Variants in SNAPC3 observed in about 807,000 individuals in gnomAD.
SNAPC3 encodes the protein small nuclear RNA activating complex polypeptide 3, also known as snRNA-activating protein complex subunit 3.
Under a neutral mutation model 47.7 loss-of-function variants are expected in SNAPC3, and 56 were observed. That is an observed-to-expected ratio of 1.18 (90% confidence interval 0.95 to 1.47). The LOEUF (loss-of-function observed/expected upper bound fraction) is 1.47. SNAPC3 is among the 40% of genes most tolerant of loss of function. The pLI is 0.00. For missense variants in SNAPC3, 665 were observed against 511.3 expected (o/e 1.30, Z -2.90); for synonymous variants, 235 against 189.9 (o/e 1.24, Z -1.95).
At chr9:15,451,662 C>G (rs1270844863) in intron 6 of SNAPC3, among the ~76,000 whole-genome samples, 1 of 151,980 alleles carries the variant, frequency 6.6e-6, no homozygotes, top group African/African-American at 2.4e-5. Flanking sequence ...CTGTGAATAC[C>G]CACTGCTTTC....
chr9:15,447,610 C>G (rs995936884), intron 5 of SNAPC3, among the ~76,000 whole-genome samples: 1 of 152,076 alleles, frequency 6.6e-6, no homozygotes, highest in East Asian at 1.9e-4. Context: ...TAGTGACCAC[C>G]TAATTTTCTA....
downstream of SNAPC3, chr9:15,465,776 A>G (rs983081000): frequency 3.1e-5 from 16 of 513,228 alleles, no homozygotes; most frequent in Non-Finnish European, 5.4e-5. Context: ...ACCATGTTGT[A>G]TCTTCTTCCC....
chr9:15,455,560 G>GT (rs1224801837), intron 7 of SNAPC3, among the ~76,000 whole-genome samples: 9 of 151,730 alleles, frequency 5.9e-5, no homozygotes, highest in Non-Finnish European at 1.2e-4. Context: ...GAGCAAGACT[G>GT]TATCAAAAGA....
intron 3 of SNAPC3, among the ~76,000 whole-genome samples, chr9:15,441,383 CTTTTT>C (rs77103785): frequency 2.9e-4 from 17 of 59,566 alleles, no homozygotes; most frequent in Admixed American, 1.1e-3. Context: ...GTTCCCTTTT[CTTTTT>C]TTTTTTTTTT....
downstream of SNAPC3, chr9:15,463,084 T>G (rs1467979971): frequency 6.6e-6 from 1 of 152,148 alleles, no homozygotes; most frequent in African/African-American, 2.4e-5. Flanking sequence ...AATTATAAAG[T>G]GTATGGTTCT....
intron 3 of SNAPC3, among the ~76,000 whole-genome samples, chr9:15,442,508 G>A (rs1055008681): frequency 2.0e-5 from 3 of 151,342 alleles, no homozygotes; most frequent in Non-Finnish European, 4.4e-5. Context: ...GCGGCTGGGC[G>A]GAGACGCTCC....
intron 3 of SNAPC3, among the ~76,000 whole-genome samples, chr9:15,441,378 C>CTTTTTTTTTTTTTTTTTT (rs1351664407): frequency 4.9e-5 from 2 of 40,528 alleles, no homozygotes; most frequent in African/African-American, 1.5e-4. Flanking sequence ...CAAGAGTTCC[C>CTTTTTTTTTTTTTTTTTT]TTTTCTTTTT....
intron 7 of SNAPC3, among the ~76,000 whole-genome samples, chr9:15,456,380 ACATGACCAT>A (rs1240150215): frequency 2.0e-5 from 3 of 152,222 alleles, no homozygotes; most frequent in Non-Finnish European, 2.9e-5. Flanking sequence ...AAGGATAAAA[ACATGACCAT>A]TAAACTCATG....
downstream of SNAPC3, among the ~76,000 whole-genome samples, chr9:15,466,180 C>A (rs1308379668): frequency 6.6e-6 from 1 of 152,202 alleles, no homozygotes; most frequent in East Asian, 1.9e-4. Context: ...GAGTTCGAGG[C>A]CGGGCTGGCC....
downstream of SNAPC3, among the ~76,000 whole-genome samples, chr9:15,466,294 G>T (rs1384132970): frequency 2.0e-5 from 3 of 152,154 alleles, no homozygotes; most frequent in Admixed American, 6.5e-5. Flanking sequence ...CAGGAGAATC[G>T]CTTGAACCCA....
downstream of SNAPC3, chr9:15,462,371 T>G (rs1168443169): frequency 6.6e-6 from 1 of 152,210 alleles, no homozygotes; most frequent in Non-Finnish European, 1.5e-5. Flanking sequence ...GTGTGTTATG[T>G]ATCAGTTATA....
chr9:15,444,494 TCAAACCCAA>T, intron 3 of SNAPC3, 99 bp from the exon 4 acceptor site: 4 of 659,702 alleles, frequency 6.1e-6, no homozygotes, highest in Non-Finnish European at 1.1e-5. Flanking sequence ...TAATTAGGTG[TCAAACCCAA>T]GGCTGCTTGA....
chr9:15,441,344 A>G (rs1054884199), intron 3 of SNAPC3, among the ~76,000 whole-genome samples: 11 of 134,900 alleles, frequency 8.2e-5, no homozygotes, highest in South Asian at 4.6e-4. Flanking sequence ...AGCTGTATCA[A>G]TTTGCATCCT....
At chr9:15,465,561 C>A (rs779218966), downstream of SNAPC3, 1 of 1,586,498 alleles carries the variant, frequency 6.3e-7, no homozygotes, top group Admixed American at 1.7e-5. Context: ...ATTTCAGTCT[C>A]TCTCTCTTCA....
chr9:15,423,510 C>A (rs2030882595), intron 1 of SNAPC3, among the ~76,000 whole-genome samples: 1 of 152,130 alleles, frequency 6.6e-6, no homozygotes, highest in Non-Finnish European at 1.5e-5. Flanking sequence ...GTGTACCTGC[C>A]ATTGACAGAC....
chr9:15,445,069 A>G (rs1256351121), intron 4 of SNAPC3, among the ~76,000 whole-genome samples: 1 of 152,234 alleles, frequency 6.6e-6, no homozygotes, highest in Admixed American at 6.5e-5. Flanking sequence ...ACTCCAGCCT[A>G]GGAGACAGCG....
intron 2 of SNAPC3, among the ~76,000 whole-genome samples, chr9:15,426,278 C>CTCCT (rs1309213575): frequency 6.6e-6 from 1 of 152,158 alleles, no homozygotes; most frequent in Non-Finnish European, 1.5e-5. Flanking sequence ...TCTTGCTTAT[C>CTCCT]TCCTGACCTT....
chr9:15,457,966 GCAT>G lies in SNAPC3; in HGVS notation c.991_993del (p.His331del). 3 of 1,569,902 alleles carry G rather than the reference GCAT, an allele frequency of 1.9e-6. No homozygotes were observed. The highest frequency in any genetic ancestry group is 2.6e-6 in the Non-Finnish European group (3 of 1,159,294). ...ATTTTCCCACGAACAAAAGGCTTGTGCATCATGATGACTGCTTGGATAGGACAT... is the reference window on the plus strand; with the variant it reads ...ATTTTCCCACGAACAAAAGGCTTGTGCATGATGACTGCTTGGATAGGACAT... On this transcript the variant is annotated inframe_deletion, in exon 8 of 9. Coordinates refer to ENST00000380821, the MANE Select transcript of SNAPC3 (RefSeq NM_001039697.2).
intron 3 of SNAPC3, among the ~76,000 whole-genome samples, chr9:15,442,669 C>T (rs4510953): frequency 0.7 from 105,637 of 151,194 alleles, 39,199 homozygotes; most frequent in Non-Finnish European, 0.82. Flanking sequence ...CAGGAAGAGA[C>T]GCTCCGCACT....
Sources: allele counts gnomAD v4.1 joint callset (sites outside exome capture counted in the v4.1 genomes callset), GRCh38; gene constraint gnomAD v4.1.1; transcripts MANE v1.5; gene names NCBI Gene and HGNC (gene_info 2026-07-23, HGNC 2026-07-21).